The following CALN1 variants were observed in gnomAD, a reference collection of about 807,000 sequenced individuals.
CALN1 encodes calcium-binding protein 8.
A neutral mutation model predicts 30.6 loss-of-function variants in CALN1; 17 were observed. That is an observed-to-expected ratio of 0.56 (90% CI 0.38 to 0.83). CALN1 has a LOEUF of 0.83. Ranked by LOEUF, CALN1 falls within the 40% of genes least tolerant of loss-of-function variation. The pLI is 0.00. For synonymous variants in CALN1, 156 were observed against 131.4 expected, an observed-to-expected ratio of 1.19 and a Z score of -1.28; for missense variants, 291 against 354.9, an observed-to-expected ratio of 0.82 and a Z score of 1.45.
chr7:72,190,912 A>C (rs1790549920), intron 3 of CALN1, among the ~76,000 whole-genome samples: 1 of 152,044 alleles, frequency 6.6e-6, no homozygotes, highest in African/African-American at 2.4e-5. Flanking sequence ...ATTCAATGGT[A>C]TGTTTTCATG....
intron 3 of CALN1, among the ~76,000 whole-genome samples, chr7:72,243,235 C>T (rs1199522137): frequency 6.6e-6 from 1 of 152,202 alleles, no homozygotes; most frequent in Non-Finnish European, 1.5e-5. Flanking sequence ...TGTGAGGACA[C>T]AGCAAGAAGG....
chr7:72,017,837 C>T (rs1800486151), intron 5 of CALN1, among the ~76,000 whole-genome samples: 1 of 151,972 alleles, frequency 6.6e-6, no homozygotes, highest in Non-Finnish European at 1.5e-5. Context: ...ATGTTTTCGG[C>T]GTCACTCTGG....
At chr7:71,885,315 C>T (rs1369178870) in intron 5 of CALN1, among the ~76,000 whole-genome samples, 1 of 152,158 alleles carries the variant, frequency 6.6e-6, no homozygotes, top group African/African-American at 2.4e-5. Context: ...CCACACCTGG[C>T]TAATTTTTTT....
intron 5 of CALN1, among the ~76,000 whole-genome samples, chr7:71,815,409 T>C (rs1788202363): frequency 6.6e-6 from 1 of 152,132 alleles, no homozygotes; most frequent in African/African-American, 2.4e-5. Context: ...TTCAAAGCCA[T>C]TGTGTTTTCT....
chr7:72,061,159 A>G (rs1054337980), intron 4 of CALN1, among the ~76,000 whole-genome samples: 7 of 152,208 alleles, frequency 4.6e-5, no homozygotes, highest in Non-Finnish European at 1.0e-4. Flanking sequence ...AAACAAAAAT[A>G]TCAACATTCT....
At chr7:72,411,517 T>C (rs1404306659) in intron 1 of CALN1, among the ~76,000 whole-genome samples, 2 of 152,220 alleles carry the variant, frequency 1.3e-5, no homozygotes, top group East Asian at 3.8e-4. Context: ...TTTAAAAAAA[T>C]ATGGACGTAT....
intron 5 of CALN1, chr7:71,942,604 T>C (rs1796194912): frequency 6.6e-6 from 1 of 152,446 alleles, no homozygotes; most frequent in African/African-American, 2.4e-5. Flanking sequence ...GCATTTGTGC[T>C]TCAAATTAAA....
chr7:72,221,158 G>A (rs539600192), intron 3 of CALN1, among the ~76,000 whole-genome samples: 24 of 152,182 alleles, frequency 1.6e-4, no homozygotes, highest in Non-Finnish European at 3.1e-4. Context: ...TGATGTTGGC[G>A]AAAGGGTGGT....
At chr7:72,444,393 T>C (rs1470521296) in intron 1 of CALN1, among the ~76,000 whole-genome samples, 1 of 152,126 alleles carries the variant, frequency 6.6e-6, no homozygotes, top group African/African-American at 2.4e-5. Context: ...GTCACGAGGC[T>C]CTTTGATCTA....
At chr7:72,059,073 G>A (rs184984206) in intron 4 of CALN1, among the ~76,000 whole-genome samples, 1 of 152,308 alleles carries the variant, frequency 6.6e-6, no homozygotes, top group Admixed American at 6.5e-5. Flanking sequence ...GGATTAAGCA[G>A]TTGAAAACTT....
At chr7:72,405,665 T>C (rs1340877042) in intron 1 of CALN1, among the ~76,000 whole-genome samples, 1 of 151,922 alleles carries the variant, frequency 6.6e-6, no homozygotes, top group Non-Finnish European at 1.5e-5. Context: ...ACTTCTCTAG[T>C]TAGCTCGTTA....
intron 4 of CALN1, among the ~76,000 whole-genome samples, chr7:72,048,092 T>A (rs1802595826): frequency 6.8e-6 from 1 of 147,778 alleles, no homozygotes; most frequent in Non-Finnish European, 1.5e-5. Context: ...CAGGCTGGAG[T>A]GCAGTGGCAT....
At chr7:72,359,838 G>A (rs890861665) in intron 2 of CALN1, among the ~76,000 whole-genome samples, 3 of 151,780 alleles carry the variant, frequency 2.0e-5, no homozygotes, top group Non-Finnish European at 2.9e-5. Flanking sequence ...TTAGCCGGAC[G>A]TGGTGGCGGG....
At chr7:72,469,503 T>G in the CALN1 span, among the ~76,000 whole-genome samples, 25 of 152,258 alleles carry the variant, frequency 1.6e-4, no homozygotes, top group East Asian at 4.8e-3. Flanking sequence ...TTCAAGCAAT[T>G]TTTGTACCTC....
the CALN1 span, among the ~76,000 whole-genome samples, chr7:72,477,625 T>C: frequency 6.6e-6 from 1 of 152,156 alleles, no homozygotes; most frequent in Non-Finnish European, 1.5e-5. Flanking sequence ...TCTTGCTTTG[T>C]TGTCCAGGCT....
chr7:72,145,704 T>C (rs1298387880), intron 3 of CALN1, among the ~76,000 whole-genome samples: 1 of 152,158 alleles, frequency 6.6e-6, no homozygotes, highest in African/African-American at 2.4e-5. Context: ...CGGATGAACA[T>C]CGATGCAAAA....
At chr7:72,385,751 T>A (rs1805173477) in intron 2 of CALN1, among the ~76,000 whole-genome samples, 1 of 152,110 alleles carries the variant, frequency 6.6e-6, no homozygotes, top group Non-Finnish European at 1.5e-5. Flanking sequence ...TCGAATGGTT[T>A]AAAAGTGTGT....
intron 2 of CALN1, among the ~76,000 whole-genome samples, chr7:72,384,109 T>C (rs371468594): frequency 1.3e-5 from 2 of 152,310 alleles, no homozygotes; most frequent in South Asian, 2.1e-4. Context: ...GGATATGACT[T>C]GGAGGAAGGA....
the CALN1 span, among the ~76,000 whole-genome samples, chr7:72,453,711 A>G: frequency 6.6e-6 from 1 of 152,194 alleles, no homozygotes; most frequent in Non-Finnish European, 1.5e-5. Context: ...CTGACCGGAC[A>G]AGAATTTTCC....
Sources: allele counts gnomAD v4.1 joint callset (sites outside exome capture counted in the v4.1 genomes callset), GRCh38; gene constraint gnomAD v4.1.1; transcripts MANE v1.5; gene names NCBI Gene and HGNC (gene_info 2026-07-23, HGNC 2026-07-21).